Variants in CUBN observed in about 807,000 individuals in gnomAD.
The protein encoded by CUBN is cubilin.
CUBN carries 282 observed loss-of-function variants against 405.3 expected under a neutral mutation model. The ratio of observed to expected loss-of-function variants is 0.70; its 90% CI spans 0.63 to 0.77. The LOEUF (loss-of-function observed/expected upper bound fraction) is 0.77, where lower values mean the gene tolerates loss of function less well. Among genes scored for constraint, CUBN ranks in the 30% least tolerant of loss-of-function variants. The pLI, the probability that CUBN is intolerant of heterozygous loss-of-function variation, is 0.00. For missense variants in CUBN, 4,514 were observed against 4,475.2 expected (o/e 1.01, Z -0.25); for synonymous variants, 1,684 against 1,617.0 (o/e 1.04, Z -0.99).
chr10:17,060,422 C>T (rs1039773725), intron 22 of CUBN, among the ~76,000 whole-genome samples: 1 of 152,044 alleles, frequency 6.6e-6, no homozygotes, highest in Non-Finnish European at 1.5e-5. Flanking sequence ...TGCCTGGCCA[C>T]AATCCCTGGT....
In CUBN at chr10:16,890,535, G is replaced by C; in HGVS notation, c.8599-8C>G. On this transcript the variant is annotated splice_region_variant and splice_polypyrimidine_tract_variant and intron_variant, in intron 54 of 66. Transcript: ENST00000377833. ...CTCAGTTCCTGCCCACACCTAGCAC[G>C]GACATACACAGAACTTTAATGCTCA... 2 of 1,613,996 alleles carry C rather than the reference G, an allele frequency of 1.2e-6. No homozygotes were observed.
intron 28 of CUBN, among the ~76,000 whole-genome samples, chr10:16,994,083 G>GT (rs1446194850): frequency 6.6e-6 from 1 of 152,202 alleles, no homozygotes; most frequent in Non-Finnish European, 1.5e-5. Flanking sequence ...GCATACATAT[G>GT]TAACAAACCT....
chr10:17,018,259 G>A (rs1451670481), intron 28 of CUBN, among the ~76,000 whole-genome samples: 1 of 152,156 alleles, frequency 6.6e-6, no homozygotes, highest in Non-Finnish European at 1.5e-5. Flanking sequence ...GGGGTCCAGT[G>A]GTACTCACCG....
At chr10:16,952,466 A>C (rs1201778724) in intron 32 of CUBN, 77 bp from the exon 33 acceptor site, 1 of 925,082 alleles carries the variant, frequency 1.1e-6, no homozygotes, top group Non-Finnish European at 1.8e-6. Context: ...TATTTGATGA[A>C]TAAAACCATC....
chr10:16,831,679 C>T (rs1326636975), intron 64 of CUBN, among the ~76,000 whole-genome samples: 1 of 152,118 alleles, frequency 6.6e-6, no homozygotes, highest in African/African-American at 2.4e-5. Context: ...CACCAGGCAG[C>T]TTTTTTATAC....
chr10:17,073,143 A>G (rs1309682615), intron 17 of CUBN, among the ~76,000 whole-genome samples: 2 of 152,184 alleles, frequency 1.3e-5, no homozygotes, highest in Non-Finnish European at 2.9e-5. Flanking sequence ...AGATTATAGA[A>G]ATAAAAACTA....
intron 17 of CUBN, 71 bp downstream of exon 17, chr10:17,084,200 A>T: frequency 6.7e-7 from 1 of 1,486,220 alleles, no homozygotes; most frequent in Admixed American, 1.7e-5. Context: ...AATCTTTTGA[A>T]GACCACCACT....
rs539112898 is a variant in CUBN, at chr10:17,107,155, A to G, written c.1112-1580T>C. 1.1e-4 allele frequency among the ~76,000 whole-genome samples: 17 copies of G among 152,358 alleles called. No homozygotes were observed. The East Asian group carries it at 3.1e-3, about 28-fold the overall frequency. On this transcript the variant is annotated intron_variant, in intron 10 of 66. Transcript: ENST00000377833. ...TGAGGTAATAGCTAACAATAGTTTT[A>G]GAGCATCCAGCATCTTGACAGTTTT...
At chr10:17,043,775 T>TCACATTTACTCTGCCAGTATA in intron 26 of CUBN, 52 bp downstream of exon 26, 1 of 1,607,782 alleles carries the variant, frequency 6.2e-7, no homozygotes, top group Non-Finnish European at 8.5e-7. Flanking sequence ...CTGCTGGTAT[T>TCACATTTACTCTGCCAGTATA]CACACTTACT....
chr10:16,903,884 C>T (rs1841478302), intron 51 of CUBN, 82 bp downstream of exon 51: 2 of 1,023,008 alleles, frequency 2.0e-6, no homozygotes, highest in East Asian at 2.7e-5. Context: ...ATAAATCTAA[C>T]AAAATATATA....
At chr10:17,099,152 G>T (rs1338473294) in intron 14 of CUBN, among the ~76,000 whole-genome samples, 1 of 152,062 alleles carries the variant, frequency 6.6e-6, no homozygotes, top group African/African-American at 2.4e-5. Context: ...GTAGCATCAG[G>T]ATAGATAAAA....
At chr10:16,959,773 A>G (rs1428536739) in intron 31 of CUBN, among the ~76,000 whole-genome samples, 1 of 152,212 alleles carries the variant, frequency 6.6e-6, no homozygotes, top group Non-Finnish European at 1.5e-5. Flanking sequence ...ATCGATATGA[A>G]TTTCACCTTA....
chr10:16,939,993 C>T, intron 37 of CUBN, 39 bp downstream of exon 37: 2 of 1,453,422 alleles, frequency 1.4e-6, no homozygotes, highest in Non-Finnish European at 9.7e-7. Flanking sequence ...GTTTGTAAGA[C>T]ATATTCTGGA....
At position 16,925,594 on chromosome 10, in the gene CUBN, T is replaced by TC. The variant is rs1564427104; in HGVS notation, c.6451dup (p.Asp2151GlyfsTer10). On this transcript the variant is annotated frameshift_variant, in exon 42 of 67. Coordinates refer to ENST00000377833, the MANE Select transcript of CUBN (RefSeq NM_001081.4). LOFTEE classifies it high-confidence loss of function. Reference sequence around the variant, plus strand: ...AGCAGCAAGACCTACCACCAAGTAATCCCCCTGGTTGCAAGAAGAATCTCC... The same window carrying TC: ...AGCAGCAAGACCTACCACCAAGTAATCCCCCCTGGTTGCAAGAAGAATCTCC... The TC allele has an allele frequency of 6.2e-7, 1 of 1,613,836 alleles. No homozygotes were observed. Among genetic ancestry groups the TC allele is most frequent in the Admixed American group, 1.7e-5 (1 of 59,960 alleles).
intron 22 of CUBN, among the ~76,000 whole-genome samples, chr10:17,048,877 G>A (rs1158795372): frequency 6.6e-6 from 1 of 152,172 alleles, no homozygotes; most frequent in Non-Finnish European, 1.5e-5. Context: ...TGAAAACATA[G>A]AGATGCATAG....
rs957353990 is a variant in CUBN, at chr10:16,860,799, C to T, written c.9454+8837G>A. Among the ~76,000 whole-genome samples, 13 of 152,330 alleles carry T rather than the reference C, an allele frequency of 8.5e-5. 1 individual carries two copies. Among genetic ancestry groups the T allele is most frequent in the Admixed American group, 8.5e-4 (13 of 15,308 alleles). On this transcript the variant is annotated intron_variant, in intron 59 of 66. Transcript: ENST00000377833. The stretch of plus-strand genomic sequence containing the variant: ...TCCTTTCAGTCTCTTTCTTTATTTT[C>T]ATGGTACCACTGCTCTTATCATCCC...
At chr10:17,081,798 C>A (rs973454701) in intron 17 of CUBN, among the ~76,000 whole-genome samples, 6 of 152,156 alleles carry the variant, frequency 3.9e-5, no homozygotes, top group African/African-American at 4.8e-5. Context: ...TAGAGTTTGA[C>A]CTTTGTGAGC....
At chr10:16,973,774 G>A (rs985648314) in intron 31 of CUBN, among the ~76,000 whole-genome samples, 1 of 152,090 alleles carries the variant, frequency 6.6e-6, no homozygotes, top group African/African-American at 2.4e-5. Flanking sequence ...ACTTCATTTA[G>A]GATTATGGCC....
chr10:17,014,186 T>C (rs1834262415), intron 28 of CUBN, among the ~76,000 whole-genome samples: 1 of 152,336 alleles, frequency 6.6e-6, no homozygotes, highest in African/African-American at 2.4e-5. Flanking sequence ...CTATTGCTAC[T>C]ATATCAATTT....
Sources: allele counts gnomAD v4.1 joint callset (sites outside exome capture counted in the v4.1 genomes callset), GRCh38; gene constraint gnomAD v4.1.1; transcripts MANE v1.5; gene names NCBI Gene and HGNC (gene_info 2026-07-23, HGNC 2026-07-21).